Variants in ERC1 observed in about 807,000 individuals in gnomAD.
The protein encoded by ERC1 is ELKS/RAB6-interacting/CAST family member 1, also known as RAB6 interacting protein 2.
A neutral mutation model predicts 132.0 loss-of-function variants in ERC1; 56 were observed. The ratio of observed to expected loss-of-function variants is 0.42; its 90% CI spans 0.34 to 0.53. The LOEUF (loss-of-function observed/expected upper bound fraction) is 0.53. ERC1 is among the 20% of genes least tolerant of loss of function. The pLI, the probability that ERC1 is intolerant of heterozygous loss-of-function variation, is 0.03. For missense variants in ERC1, 1,202 were observed against 1,349.9 expected, an observed-to-expected ratio of 0.89 and a Z score of 1.72; for synonymous variants, 478 against 476.1, an observed-to-expected ratio of 1.00 and a Z score of -0.05.
intron 15 of ERC1, among the ~76,000 whole-genome samples, chr12:1,353,438 A>G (rs898195544): frequency 1.3e-5 from 2 of 152,256 alleles, no homozygotes; most frequent in Non-Finnish European, 2.9e-5. Context: ...GAATAGAACT[A>G]GGGTTACAAA....
intron 14 of ERC1, among the ~76,000 whole-genome samples, chr12:1,282,780 A>T (rs954400178): frequency 6.6e-6 from 1 of 152,236 alleles, no homozygotes; most frequent in Non-Finnish European, 1.5e-5. Context: ...GTAGGTTTTA[A>T]TCTGGAACTT....
At chr12:1,282,329 A>T (rs2078736025) in intron 14 of ERC1, among the ~76,000 whole-genome samples, 2 of 152,236 alleles carry the variant, frequency 1.3e-5, no homozygotes, top group Non-Finnish European at 2.9e-5. Context: ...CATAAAAATG[A>T]GGATAATAAT....
intron 15 of ERC1, among the ~76,000 whole-genome samples, chr12:1,356,841 A>T (rs938973843): frequency 3.3e-5 from 5 of 152,202 alleles, no homozygotes; most frequent in African/African-American, 1.2e-4. Context: ...TCTCATTCCA[A>T]ACCTGTGTAG....
chr12:1,256,073 C>T (rs771673506), intron 13 of ERC1, among the ~76,000 whole-genome samples: 1 of 151,984 alleles, frequency 6.6e-6, no homozygotes, highest in Non-Finnish European at 1.5e-5. Context: ...ATATCCTTTG[C>T]CCATTTTTTG....
At chr12:999,360 C>T (rs1235691840) in intron 1 of ERC1, among the ~76,000 whole-genome samples, 1 of 152,120 alleles carries the variant, frequency 6.6e-6, no homozygotes, top group East Asian at 1.9e-4. Context: ...CCCCTTAAAC[C>T]GAACACATCC....
At chr12:1,394,999 T>C (rs1423996618) in intron 16 of ERC1, among the ~76,000 whole-genome samples, 2 of 152,226 alleles carry the variant, frequency 1.3e-5, no homozygotes, top group Non-Finnish European at 2.9e-5. Flanking sequence ...GATATGGTGT[T>C]GAGTCTCACT....
intron 14 of ERC1, among the ~76,000 whole-genome samples, chr12:1,281,599 G>T (rs1386669048): frequency 6.6e-6 from 1 of 152,122 alleles, no homozygotes; most frequent in Non-Finnish European, 1.5e-5. Context: ...GAGCTTATGT[G>T]TACCCAGTAG....
chr12:1,249,426 G>A (rs563445110), intron 13 of ERC1, among the ~76,000 whole-genome samples: 239 of 152,210 alleles, frequency 1.6e-3, no homozygotes, highest in African/African-American at 5.3e-3. Context: ...TTTTTCTTGC[G>A]AAGCTGCCTA....
chr12:1,043,553 G>A (rs1254605142), intron 2 of ERC1, among the ~76,000 whole-genome samples: 2 of 152,096 alleles, frequency 1.3e-5, no homozygotes, highest in Non-Finnish European at 2.9e-5. Context: ...AGGGTGGAGA[G>A]GTCTTAAAGT....
Position 1,373,592 on chromosome 12 carries a change from C to T in ERC1, c.2925+1615C>T, listed in dbSNP as rs545143638. On this transcript the variant is annotated intron_variant, in intron 16 of 18. Coordinates refer to ENST00000360905, the MANE Select transcript of ERC1 (RefSeq NM_178040.4). ...GTCAGGAAATCGAGACCATCCTGGC[C>T]AACATGGTGAAACCCCGTCTCCACT... Among the ~76,000 whole-genome samples, 452 of 152,268 alleles carry T rather than the reference C, an allele frequency of 3.0e-3. 2 individuals are homozygous for T. Among genetic ancestry groups the T allele is most frequent in the African/African-American group, 5.0e-3 (207 of 41,554 alleles).
At chr12:1,291,334 A>G (rs547837552) in intron 15 of ERC1, among the ~76,000 whole-genome samples, 1 of 152,338 alleles carries the variant, frequency 6.6e-6, no homozygotes, top group South Asian at 2.1e-4. Flanking sequence ...TCCGAGTAGC[A>G]TCATCAGAAA....
At chr12:1,196,905 T>TACACAC (rs766381798) in intron 12 of ERC1, among the ~76,000 whole-genome samples, 21 of 57,722 alleles carry the variant, frequency 3.6e-4, no homozygotes, top group East Asian at 2.5e-3. Flanking sequence ...TCTGTCTCTC[T>TACACAC]ACACACACAC....
Position 1,180,569 on chromosome 12 carries a change from C to G in ERC1, c.1767C>G (p.Asp589Glu). 6.2e-7 allele frequency: 1 copy of G among 1,613,886 alleles called. No homozygotes were observed. The highest frequency in any genetic ancestry group is 8.5e-7 in the Non-Finnish European group (1 of 1,179,984). ...AAAATCTTCAAGAGCAGCTTAGAGA[C>G]AAGGAAAAGCAGATGAGCAGCTTGA... ...KIENLQEQLR[D>E]KEKQMSSLKE... The change falls in exon 9 of 19, where the codon GAC (aspartate) becomes GAG (glutamate). Residue 589 changes from aspartate (D) to glutamate (E), a missense_variant. Transcript: ENST00000360905.
chr12:1,369,610 G>A (rs1352876803), intron 15 of ERC1, among the ~76,000 whole-genome samples: 1 of 152,170 alleles, frequency 6.6e-6, no homozygotes, highest in East Asian at 1.9e-4. Context: ...GGGAACAGAT[G>A]ACCGCAGTCA....
At chr12:1,283,167 TG>T (rs1213908064) in intron 14 of ERC1, among the ~76,000 whole-genome samples, 1 of 152,160 alleles carries the variant, frequency 6.6e-6, no homozygotes, top group Non-Finnish European at 1.5e-5. Context: ...GCAAACCATC[TG>T]GTCCTGCTGG....
rs181941975 is a variant in ERC1 at position 1,084,849 on chromosome 12, G to A, written c.1086+1269G>A. Among the ~76,000 whole-genome samples the A allele has an allele frequency of 1.1e-4, 17 of 151,900 alleles. No homozygotes were observed. In the East Asian group the frequency reaches 1.7e-3, roughly 16 times the overall value. On this transcript the variant is annotated intron_variant, in intron 3 of 18. Coordinates refer to ENST00000360905, the MANE Select transcript of ERC1 (RefSeq NM_178040.4). ...TAGGTCTACAGGTGCATGCCACCAT[G>A]CATTGTTAATTTTTAAATTAAAAAA...
At chr12:1,455,097 T>C (rs2093502398) in intron 18 of ERC1, among the ~76,000 whole-genome samples, 1 of 152,258 alleles carries the variant, frequency 6.6e-6, no homozygotes, top group African/African-American at 2.4e-5. Context: ...GTTTTTTAAA[T>C]TGCTGCGCAA....
Position 1,404,295 on chromosome 12 carries a change from A to T in ERC1, c.2926-3854A>T, listed in dbSNP as rs983815558. On this transcript the variant is annotated intron_variant, in intron 16 of 18. Coordinates refer to ENST00000360905, the MANE Select transcript of ERC1 (RefSeq NM_178040.4). ...GTATAATGGATACATTTATTTATTT[A>T]CTCATCCATTTATTTATTCATTCAT... 3.3e-5 allele frequency among the ~76,000 whole-genome samples: 5 copies of T among 151,818 alleles called. No homozygotes were observed. In the East Asian group the frequency reaches 9.7e-4, roughly 29 times the overall value.
At chr12:1,223,356 G>A (rs536832109) in intron 12 of ERC1, among the ~76,000 whole-genome samples, 3 of 152,324 alleles carry the variant, frequency 2.0e-5, no homozygotes, top group South Asian at 2.1e-4. Flanking sequence ...TATGGGCAAA[G>A]CCTGCCTGGC....
Sources: allele counts gnomAD v4.1 joint callset (sites outside exome capture counted in the v4.1 genomes callset), GRCh38; gene constraint gnomAD v4.1.1; transcripts MANE v1.5; gene names NCBI Gene and HGNC (gene_info 2026-07-23, HGNC 2026-07-21).